The following LTF variants were observed in gnomAD, a reference collection of about 807,000 sequenced individuals.
LTF encodes the protein lactotransferrin.
In LTF, 91 loss-of-function variants were observed where a neutral mutation model predicts 87.2. The observed-to-expected ratio is 1.04, with a 90% confidence interval of 0.88 to 1.24. The LOEUF (loss-of-function observed/expected upper bound fraction) is 1.24, where lower values mean the gene tolerates loss of function less well. Among genes scored for constraint, LTF ranks in the 50% most tolerant of loss-of-function variants. LTF has a pLI of 0.00. For synonymous variants in LTF, 378 were observed against 356.1 expected (o/e 1.06, Z -0.69); for missense variants, 901 against 904.3 (o/e 1.00, Z 0.05).
At chr3:46,460,962 T>C (rs977617600) in intron 1 of LTF, among the ~76,000 whole-genome samples, 5 of 152,216 alleles carry the variant, frequency 3.3e-5, no homozygotes, top group African/African-American at 1.2e-4. Context: ...TGCTAGATAG[T>C]ATAACATCAA....
chr3:46,472,540 G>A (rs1187080298), intron 1 of LTF, among the ~76,000 whole-genome samples: 2 of 151,690 alleles, frequency 1.3e-5, no homozygotes, highest in Non-Finnish European at 2.9e-5. Flanking sequence ...GAGAGAGAGA[G>A]AGAGAGAGAG....
intron 7 of LTF, among the ~76,000 whole-genome samples, chr3:46,450,263 C>T (rs528723879): frequency 3.6e-4 from 54 of 152,060 alleles, no homozygotes; most frequent in Non-Finnish European, 6.3e-4. Flanking sequence ...AAGATTGCAT[C>T]GACCACCCCC....
intron 1 of LTF, among the ~76,000 whole-genome samples, chr3:46,482,663 G>GAAAGAAAGAAAGAAAGAAAGAAA (rs1559614838): frequency 3.7e-5 from 1 of 27,128 alleles, no homozygotes; most frequent in Non-Finnish European, 7.4e-5. Context: ...AAAGAAAGAA[G>GAAAGAAAGAAAGAAAGAAAGAAA]GAAGGAAGGA....
At chr3:46,480,510 C>T (rs1201059653) in intron 1 of LTF, among the ~76,000 whole-genome samples, 1 of 152,208 alleles carries the variant, frequency 6.6e-6, no homozygotes, top group East Asian at 1.9e-4. Context: ...CCCAGAGAGG[C>T]ACTAAAGCTT....
chr3:46,482,552 AGGG>A (rs1559614544), intron 1 of LTF, among the ~76,000 whole-genome samples: 1 of 106,480 alleles, frequency 9.4e-6, no homozygotes, highest in Admixed American at 9.0e-5. Flanking sequence ...AGGGAAGGGA[AGGG>A]AAGGGAAGGG....
At chr3:46,444,437 A>T (rs1702595972) in intron 12 of LTF, among the ~76,000 whole-genome samples, 2 of 149,918 alleles carry the variant, frequency 1.3e-5, no homozygotes, top group African/African-American at 4.9e-5. Flanking sequence ...CCCAAGAAAG[A>T]ATAAACAAAG....
chr3:46,482,802 GGAAAGAAA>G lies in LTF; in HGVS notation c.-320+2176_-320+2183del, dbSNP rs34589936. Reference sequence around the variant, plus strand: ...GAAAAAGAAAGAAAGAAAGAAGGAAGGAAAGAAAGAAAGAAAGAAAGAGAAAGGGAGGA... The same window carrying G: ...GAAAAAGAAAGAAAGAAAGAAGGAAGGAAAGAAAGAAAGAGAAAGGGAGGA... On this transcript the variant is annotated intron_variant, in intron 1 of 19. Coordinates refer to the LTF transcript ENST00000443496. Among the ~76,000 whole-genome samples, 79 of 131,210 alleles carry G rather than the reference GGAAAGAAA, an allele frequency of 6.0e-4. No homozygotes were observed. The East Asian group carries it at 0.012, about 20-fold the overall frequency. 86.1% of individuals were successfully genotyped at this position (131,210 alleles called of 152,430 possible). A position where few individuals can be genotyped will look rare whatever the true frequency, so the allele number is the denominator to read the frequency against.
At chr3:46,482,329 G>A (rs563074200) in intron 1 of LTF, among the ~76,000 whole-genome samples, 2 of 151,832 alleles carry the variant, frequency 1.3e-5, no homozygotes, top group Non-Finnish European at 2.9e-5. Context: ...AATTAGTCTG[G>A]CTTGGTGGCG....
At chr3:46,473,024 G>A (rs924881363) in intron 1 of LTF, among the ~76,000 whole-genome samples, 11 of 152,050 alleles carry the variant, frequency 7.2e-5, no homozygotes, top group Non-Finnish European at 1.6e-4. Context: ...GGGCCCAGAT[G>A]CATTCAGTTC....
intron 1 of LTF, among the ~76,000 whole-genome samples, chr3:46,478,083 C>T (rs1277463771): frequency 6.6e-6 from 1 of 152,202 alleles, no homozygotes; most frequent in Non-Finnish European, 1.5e-5. Flanking sequence ...CTTATGCCCA[C>T]ATTCTGTCCT....
chr3:46,436,285 T>A, intron 16 of LTF, 56 bp from the exon 17 acceptor site: 1 of 1,479,116 alleles, frequency 6.8e-7, no homozygotes, highest in Non-Finnish European at 9.5e-7. Flanking sequence ...ATTAAACCAG[T>A]TATTTAATCC....
chr3:46,477,259 G>A (rs1004670180), intron 1 of LTF, among the ~76,000 whole-genome samples: 2 of 152,216 alleles, frequency 1.3e-5, no homozygotes, highest in African/African-American at 4.8e-5. Context: ...TTGGCGGATA[G>A]TTCTTTCAAT....
Position 46,444,605 on chromosome 3 carries a change from G to A in LTF, c.1513+676C>T, listed in dbSNP as rs149485598. Among the ~76,000 whole-genome samples the A allele has an allele frequency of 6.3e-3, 962 of 152,344 alleles. 5 individuals are homozygous for A. Among genetic ancestry groups the A allele is most frequent in the Middle Eastern group, 0.014 (4 of 294 alleles). ...CAGCTCAGAGGCTGCCATGGAGCTGGTGAGGAGCAGAGCCACGTGAAAGCT... is the reference window on the plus strand; with the variant it reads ...CAGCTCAGAGGCTGCCATGGAGCTGATGAGGAGCAGAGCCACGTGAAAGCT... On this transcript the variant is annotated intron_variant, in intron 12 of 16. Transcript: ENST00000231751.
At chr3:46,443,210 A>T (rs189019317) in intron 13 of LTF, among the ~76,000 whole-genome samples, 14 of 152,358 alleles carry the variant, frequency 9.2e-5, no homozygotes, top group African/African-American at 2.9e-4. Flanking sequence ...GCTCAAAGCC[A>T]CAGGGAGAAG....
At chr3:46,450,058 C>T in intron 7 of LTF, 30 bp from the exon 8 acceptor site, 1 of 1,533,644 alleles carries the variant, frequency 6.5e-7, no homozygotes, top group Non-Finnish European at 8.8e-7. Context: ...ATTATGGTGT[C>T]AATGGTAAAT....
intron 11 of LTF, 96 bp from the exon 12 acceptor site, chr3:46,445,532 C>T: frequency 9.3e-7 from 1 of 1,079,732 alleles, no homozygotes; most frequent in South Asian, 1.6e-5. Context: ...CCAAAACAGG[C>T]CAAGAAGCAA....
rs77638753 is a variant in LTF, at chr3:46,477,459, G to A, written c.-319-6993C>T. Among the ~76,000 whole-genome samples the A allele has an allele frequency of 4.3e-3, 656 of 152,336 alleles. 5 individuals are homozygous for A. Among genetic ancestry groups the A allele is most frequent in the African/African-American group, 0.015 (617 of 41,568 alleles). ...GTCTGGTGCCTGAAAGGCAGGGTCA[G>A]TGATGAGAGTGGTTAAACATCGCAG... On this transcript the variant is annotated intron_variant, in intron 1 of 19. Coordinates refer to the LTF transcript ENST00000443496.
rs1443650606 is a variant in LTF at position 46,456,105 on chromosome 3, T to C, written c.317-127A>G. ...GCAGTTTCCTCACAGCTCACGTGTG[T>C]CCTCCTCTCGTGGGTCAGCGTCAGG... On this transcript the variant is annotated intron_variant, in intron 3 of 16. Transcript: ENST00000231751. 3 of 1,000,398 alleles carry C rather than the reference T, an allele frequency of 3.0e-6. No individual in the cohort carries two copies. In the Admixed American group the frequency reaches 8.3e-5, roughly 28 times the overall value. 62.0% of individuals were successfully genotyped at this position (1,000,398 alleles called of 1,614,324 possible).
chr3:46,484,223 T>C (rs1034328763), intron 1 of LTF, among the ~76,000 whole-genome samples: 4 of 152,334 alleles, frequency 2.6e-5, no homozygotes, highest in Admixed American at 2.0e-4. Flanking sequence ...CAAGTCATAG[T>C]GGCATAGGTG....
Sources: allele counts gnomAD v4.1 joint callset (sites outside exome capture counted in the v4.1 genomes callset), GRCh38; gene constraint gnomAD v4.1.1; transcripts MANE v1.5; gene names NCBI Gene and HGNC (gene_info 2026-07-23, HGNC 2026-07-21).